Variants in PTPRJ observed in about 807,000 individuals in gnomAD.
PTPRJ encodes the protein protein tyrosine phosphatase receptor type J, also known as receptor-type tyrosine-protein phosphatase eta.
A neutral mutation model predicts 141.3 loss-of-function variants in PTPRJ; 129 were observed. That is an observed-to-expected ratio of 0.91 (90% CI 0.79 to 1.06). The LOEUF (loss-of-function observed/expected upper bound fraction) is 1.06. PTPRJ is among the 50% of genes least tolerant of loss of function. The pLI is 0.00. For synonymous variants in PTPRJ, 610 were observed against 640.5 expected, an observed-to-expected ratio of 0.95 and a Z score of 0.72; for missense variants, 1,601 against 1,679.7, an observed-to-expected ratio of 0.95 and a Z score of 0.82.
intron 1 of PTPRJ, among the ~76,000 whole-genome samples, chr11:48,036,088 G>A (rs61649224): frequency 0.16 from 23,756 of 152,188 alleles, 2,075 homozygotes; most frequent in African/African-American, 0.21. Flanking sequence ...AGTCTTAGGG[G>A]AATGCTGGAC....
rs931508876 is a variant in PTPRJ at position 48,167,240 on chromosome 11, A to G, written c.3892A>G (p.Ile1298Val). ...YVFLNQCVLD[I>V]VRSQKDSKVD... is the part of the protein sequence containing the mutation. ...TTTCCTCAATCAGTGTGTTTTGGAT[A>G]TTGTCAGATCCCAGAAAGACTCAAA... The change falls in exon 25 of 25, where the codon ATT becomes GTT. Residue 1298 changes from isoleucine to valine, a missense_variant. Transcript: ENST00000418331. The G allele has an allele frequency of 2.5e-6, 4 of 1,612,180 alleles. No homozygotes were observed. In the African/African-American group the frequency reaches 5.3e-5, roughly 22 times the overall value.
intron 9 of PTPRJ, 34 bp downstream of exon 9, chr11:48,136,330 C>T (rs1289850998): frequency 3.1e-6 from 5 of 1,600,432 alleles, no homozygotes; most frequent in Non-Finnish European, 4.3e-6. Flanking sequence ...TAAGGAACAG[C>T]CTCTCTAACT....
chr11:48,142,619 T>C (rs1857259977), intron 11 of PTPRJ, among the ~76,000 whole-genome samples: 1 of 152,218 alleles, frequency 6.6e-6, no homozygotes, highest in Non-Finnish European at 1.5e-5. Flanking sequence ...AATAAAAGCA[T>C]GTACTGTTCA....
chr11:48,034,093 G>A (rs994226096), intron 1 of PTPRJ, among the ~76,000 whole-genome samples: 1 of 152,150 alleles, frequency 6.6e-6, no homozygotes, highest in Non-Finnish European at 1.5e-5. Flanking sequence ...TGTAAACTTG[G>A]CCCAAGTCTC....
At chr11:48,048,686 A>G (rs1432910154) in intron 1 of PTPRJ, among the ~76,000 whole-genome samples, 1 of 152,032 alleles carries the variant, frequency 6.6e-6, no homozygotes, top group African/African-American at 2.4e-5. Flanking sequence ...CCCAGCTACT[A>G]GGGAGGCTGA....
intron 9 of PTPRJ, 113 bp from the exon 10 acceptor site, chr11:48,136,890 A>C (rs2134359909): frequency 9.5e-7 from 1 of 1,054,620 alleles, no homozygotes; most frequent in Admixed American, 2.6e-5. Context: ...AGCAAATACT[A>C]GTTTTATTCA....
chr11:48,034,825 A>G lies in PTPRJ; in HGVS notation c.96+53817A>G, dbSNP rs184220097. On this transcript the variant is annotated intron_variant, in intron 1 of 24. Transcript: ENST00000418331. ...TTCCCATCAATCTCTACTGAAGAAC[A>G]ATGGCGATGGCCATACTGGTAATTG... 3.3e-5 allele frequency among the ~76,000 whole-genome samples: 5 copies of G among 152,352 alleles called. No individual in the cohort carries two copies. In the East Asian group the frequency reaches 9.6e-4, roughly 29 times the overall value.
intron 1 of PTPRJ, among the ~76,000 whole-genome samples, chr11:48,031,814 T>C (rs1056991025): frequency 1.3e-5 from 2 of 152,360 alleles, no homozygotes; most frequent in African/African-American, 4.8e-5. Context: ...GCGTGGCTCC[T>C]GAATGCAAGC....
At chr11:48,042,718 C>T (rs989358286) in intron 1 of PTPRJ, among the ~76,000 whole-genome samples, 37 of 151,270 alleles carry the variant, frequency 2.4e-4, no homozygotes, top group African/African-American at 8.5e-4. Flanking sequence ...AAATCTATGG[C>T]CCTGGGTTCT....
At chr11:48,164,270 C>A in intron 23 of PTPRJ, 110 bp from the exon 24 acceptor site, 1 of 1,382,832 alleles carries the variant, frequency 7.2e-7, no homozygotes, top group Non-Finnish European at 9.9e-7. Flanking sequence ...GTGCATTGCC[C>A]TCAAAGTGTG....
At chr11:48,085,249 A>ATC in intron 1 of PTPRJ, among the ~76,000 whole-genome samples, 1 of 105,480 alleles carries the variant, frequency 9.5e-6, no homozygotes, top group African/African-American at 2.7e-5. Context: ...AAATAATGCT[A>ATC]TCTCTCTCAC....
At position 48,158,180 on chromosome 11, in the gene PTPRJ, T is replaced by G. The variant is rs1334894955; in HGVS notation, c.3439-1750T>G. ...ACAAAACAAAACAAAAAAAGAAGAA[T>G]GCAAATAAGCTTTTTAATACTGTTG... On this transcript the variant is annotated intron_variant, in intron 21 of 24. Coordinates refer to ENST00000418331, the MANE Select transcript of PTPRJ (RefSeq NM_002843.4). The surrounding 1 kb of genome is among the most constrained non-coding windows in gnomAD (Gnocchi z 4.4). 6.6e-6 allele frequency among the ~76,000 whole-genome samples: 1 copy of G among 151,992 alleles called. No homozygotes were observed. The highest frequency in any genetic ancestry group is 1.9e-4 in the East Asian group (1 of 5,190).
intron 1 of PTPRJ, among the ~76,000 whole-genome samples, chr11:48,078,090 GCT>G (rs1855456770): frequency 7.0e-6 from 1 of 143,300 alleles, no homozygotes; most frequent in East Asian, 2.0e-4. Context: ...GCGGAGTCTT[GCT>G]CTGTTTCCCA....
chr11:48,123,593 A>G lies in PTPRJ; in HGVS notation c.617-20A>G, dbSNP rs1856759785. The G allele has an allele frequency of 2.5e-6, 4 of 1,608,462 alleles. No individual in the cohort carries two copies. In the Admixed American group the frequency reaches 5.0e-5, roughly 20 times the overall value. On this transcript the variant is annotated intron_variant, in intron 4 of 24. Transcript: ENST00000418331. The stretch of plus-strand genomic sequence containing the variant: ...TGCATATATCTTGTTCCATTAATGC[A>G]TGTTGTATTTTTAAAATAGAGCCGA...
intron 1 of PTPRJ, among the ~76,000 whole-genome samples, chr11:47,989,486 CA>C (rs1305090082): frequency 4.0e-5 from 6 of 151,234 alleles, no homozygotes; most frequent in Non-Finnish European, 7.4e-5. Context: ...CCATGTTGGC[CA>C]GGCTGGTCTT....
At position 48,169,162 on chromosome 11, in the gene PTPRJ, G is replaced by A. The variant is rs1161125478; in HGVS notation, c.*1800G>A. ...ACTTTTAAAGCCCCGGCTGTGGTTC[G>A]GAGGGTTAGTGCTGTATGCCTTTTA... On this transcript the variant is annotated 3_prime_UTR_variant, in exon 25 of 25. Coordinates refer to ENST00000418331, the MANE Select transcript of PTPRJ (RefSeq NM_002843.4). 6.6e-6 allele frequency: 1 copy of A among 152,178 alleles called. No homozygotes were observed. Among genetic ancestry groups the A allele is most frequent in the Non-Finnish European group, 1.5e-5 (1 of 68,032 alleles). 9.4% of individuals were successfully genotyped at this position (152,178 alleles called of 1,614,324 possible).
chr11:47,994,324 C>G (rs926335681), intron 1 of PTPRJ, among the ~76,000 whole-genome samples: 1 of 152,024 alleles, frequency 6.6e-6, no homozygotes, highest in African/African-American at 2.4e-5. Context: ...GGATAACCTC[C>G]TACATGTGCT....
At position 48,069,445 on chromosome 11, in the gene PTPRJ, A is replaced by ATTTTTTTTTTTTTT. The variant is rs35405916; in HGVS notation, c.97-40605_97-40592dup. The stretch of plus-strand genomic sequence containing the variant: ...GGCTGTGATAAAAACTACATTGATA[A>ATTTTTTTTTTTTTT]TTTTTTTTTTTTTTTTTTTTTGGAG... On this transcript the variant is annotated intron_variant, in intron 1 of 24. Coordinates refer to ENST00000418331, the MANE Select transcript of PTPRJ (RefSeq NM_002843.4). 1.6e-5 allele frequency among the ~76,000 whole-genome samples: 2 copies of ATTTTTTTTTTTTTT among 121,322 alleles called. 1 individual carries two copies. The highest frequency in any genetic ancestry group is 6.4e-5 in the African/African-American group (2 of 31,090). 79.6% of individuals were successfully genotyped at this position (121,322 alleles called of 152,430 possible).
chr11:48,098,569 G>A (rs1856076726), intron 1 of PTPRJ, among the ~76,000 whole-genome samples: 1 of 14,012 alleles, frequency 7.1e-5, no homozygotes, highest in African/African-American at 1.0e-4. Context: ...CGCCCAGGCT[G>A]GAGTGCAGTG....
Sources: allele counts gnomAD v4.1 joint callset (sites outside exome capture counted in the v4.1 genomes callset), GRCh38; gene constraint gnomAD v4.1.1; non-coding constraint Gnocchi (gnomAD v3.1); transcripts MANE v1.5; gene names NCBI Gene and HGNC (gene_info 2026-07-23, HGNC 2026-07-21).